Variants in GRIP1 observed in about 807,000 individuals in gnomAD.
GRIP1 encodes the protein glutamate receptor interacting protein 1.
A neutral mutation model predicts 129.9 loss-of-function variants in GRIP1; 45 were observed. That is an observed-to-expected ratio of 0.35 (90% CI 0.27 to 0.44). GRIP1 has a LOEUF of 0.44. GRIP1 is among the 20% of genes least tolerant of loss of function. GRIP1 has a pLI of 1.00. For missense variants in GRIP1, 1,196 were observed against 1,396.8 expected, an observed-to-expected ratio of 0.86 and a Z score of 2.29; for synonymous variants, 530 against 520.8, an observed-to-expected ratio of 1.02 and a Z score of -0.24.
rs138555021 is a variant in GRIP1, at chr12:66,408,138, T to C, written c.1839-1710A>G. Among the ~76,000 whole-genome samples, 513 of 152,322 alleles carry C rather than the reference T, an allele frequency of 3.4e-3. 3 individuals are homozygous for C. Among genetic ancestry groups the C allele is most frequent in the African/African-American group, 0.012 (489 of 41,586 alleles). On this transcript the variant is annotated intron_variant, in intron 15 of 24. Transcript: ENST00000359742. The stretch of plus-strand genomic sequence containing the variant: ...TGCCTTGAAGGGAAGGACCCAGTCC[T>C]GGCAGCATTTTTCACCTGCTGACTA...
intron 1 of GRIP1, among the ~76,000 whole-genome samples, chr12:66,642,188 G>A (rs2031991914): frequency 6.6e-6 from 1 of 152,172 alleles, no homozygotes; most frequent in Non-Finnish European, 1.5e-5. Flanking sequence ...ACCAGACTTT[G>A]CAGGGAGGAG....
chr12:66,499,954 G>A (rs1174164766), intron 7 of GRIP1, among the ~76,000 whole-genome samples: 1 of 152,114 alleles, frequency 6.6e-6, no homozygotes, highest in East Asian at 1.9e-4. Flanking sequence ...GGGCTGCTGT[G>A]AACCTACCAC....
intron 2 of GRIP1, among the ~76,000 whole-genome samples, chr12:66,579,007 C>A (rs1197668597): frequency 1.3e-5 from 2 of 152,216 alleles, no homozygotes; most frequent in Non-Finnish European, 1.5e-5. Context: ...GGGAGGCACC[C>A]CCCAGTAGGG....
chr12:67,000,502 G>A (rs1399784536), intron 1 of GRIP1, among the ~76,000 whole-genome samples: 1 of 152,156 alleles, frequency 6.6e-6, no homozygotes, highest in Non-Finnish European at 1.5e-5. Context: ...TCCCTTTGGA[G>A]AGCTTTCAAT....
chr12:66,353,560 T>G lies in GRIP1; in HGVS notation c.3016A>C (p.Thr1006Pro). 6.2e-7 allele frequency: 1 copy of G among 1,613,870 alleles called. No homozygotes were observed. Among genetic ancestry groups the G allele is most frequent in the Non-Finnish European group, 8.5e-7 (1 of 1,179,742 alleles). Residue 1006 changes from threonine to proline, a missense_variant, in exon 24 of 25, where the codon ACC (threonine) becomes CCC (proline). This residue lies in a region of GRIP1 where 427 missense variants were observed against 463.3 expected (regional missense o/e 0.92). Transcript: ENST00000359742. ...TCCATGTCAGAGTCCTTGTACAAGG[T>G]CACCTGAAGAGAGAAAATGGGATGT... Reference protein sequence around the residue: ...SPTPVELHKVTLYKDSDMEDF... With the variant: ...SPTPVELHKVPLYKDSDMEDF...
intron 1 of GRIP1, among the ~76,000 whole-genome samples, chr12:66,851,756 C>T (rs1286849015): frequency 6.6e-6 from 1 of 152,098 alleles, no homozygotes; most frequent in East Asian, 1.9e-4. Context: ...TAGTGTATGG[C>T]TAAGCAGGAT....
intron 4 of GRIP1, among the ~76,000 whole-genome samples, chr12:66,538,368 C>CT (rs34115069): frequency 6.6e-6 from 1 of 150,424 alleles, no homozygotes; most frequent in Non-Finnish European, 1.5e-5. Flanking sequence ...CCCGACTAAT[C>CT]TTTTTTTGGT....
chr12:66,818,977 T>C (rs540597261), intron 1 of GRIP1, among the ~76,000 whole-genome samples: 13 of 152,374 alleles, frequency 8.5e-5, no homozygotes, highest in African/African-American at 3.1e-4. Context: ...TTTAAAGCTT[T>C]AATAATTTCA....
chr12:66,517,346 T>G (rs1168102754), intron 6 of GRIP1, among the ~76,000 whole-genome samples: 3 of 152,104 alleles, frequency 2.0e-5, no homozygotes, highest in Non-Finnish European at 4.4e-5. Flanking sequence ...GGAAGAGAAA[T>G]GCAAAGAAAA....
intron 1 of GRIP1, among the ~76,000 whole-genome samples, chr12:66,744,980 CTT>C (rs1461310323): frequency 2.0e-5 from 3 of 152,112 alleles, no homozygotes; most frequent in African/African-American, 7.2e-5. Context: ...AAAAGGCAAA[CTT>C]AGGAGTATCG....
At chr12:66,842,039 A>G (rs1199440397) in intron 1 of GRIP1, among the ~76,000 whole-genome samples, 1 of 152,160 alleles carries the variant, frequency 6.6e-6, no homozygotes, top group Non-Finnish European at 1.5e-5. Flanking sequence ...CCCATTATGG[A>G]GATTAATTTC....
At chr12:66,877,022 T>A (rs1009394663) in intron 1 of GRIP1, among the ~76,000 whole-genome samples, 10 of 152,210 alleles carry the variant, frequency 6.6e-5, no homozygotes, top group South Asian at 2.1e-4. Flanking sequence ...AGCCTCAATA[T>A]GCATATCTGT....
At chr12:66,734,826 G>A (rs1402854288) in intron 1 of GRIP1, among the ~76,000 whole-genome samples, 3 of 152,048 alleles carry the variant, frequency 2.0e-5, no homozygotes, top group Non-Finnish European at 4.4e-5. Context: ...AAGAAACATC[G>A]CTAGACTAAT....
chr12:66,592,789 A>G (rs1265915064), intron 2 of GRIP1, among the ~76,000 whole-genome samples: 1 of 152,114 alleles, frequency 6.6e-6, no homozygotes, highest in East Asian at 1.9e-4. Context: ...GTCTGTACAG[A>G]TTTTCTCTAA....
chr12:66,921,195 G>C (rs1312158207), intron 1 of GRIP1, among the ~76,000 whole-genome samples: 1 of 152,176 alleles, frequency 6.6e-6, no homozygotes, highest in Non-Finnish European at 1.5e-5. Context: ...CAAAGAAAAT[G>C]CTATGATAGC....
chr12:66,458,330 T>C (rs1180612465), intron 9 of GRIP1, among the ~76,000 whole-genome samples: 1 of 152,210 alleles, frequency 6.6e-6, no homozygotes, highest in African/African-American at 2.4e-5. Flanking sequence ...ACAACATAGC[T>C]AGGGTGGCCT....
At chr12:66,696,751 G>A (rs1252144349) in intron 1 of GRIP1, among the ~76,000 whole-genome samples, 2 of 140,854 alleles carry the variant, frequency 1.4e-5, no homozygotes, top group Non-Finnish European at 3.0e-5. Context: ...CTTGCAGTAA[G>A]CTGAGATCGC....
chr12:66,518,974 C>T (rs2060923932), intron 5 of GRIP1, among the ~76,000 whole-genome samples: 1 of 152,152 alleles, frequency 6.6e-6, no homozygotes, highest in Non-Finnish European at 1.5e-5. Context: ...GATTTCTTTG[C>T]ACATCACCAT....
At chr12:66,500,774 GC>G (rs1359218168) in intron 7 of GRIP1, among the ~76,000 whole-genome samples, 1 of 152,170 alleles carries the variant, frequency 6.6e-6, no homozygotes, top group Non-Finnish European at 1.5e-5. Context: ...TCAGGTGAAA[GC>G]TTGCTGGCTT....
Sources: allele counts gnomAD v4.1 joint callset (sites outside exome capture counted in the v4.1 genomes callset), GRCh38; gene constraint gnomAD v4.1.1; regional missense constraint gnomAD v4.1.1; transcripts MANE v1.5; gene names NCBI Gene and HGNC (gene_info 2026-07-23, HGNC 2026-07-21).